ATP6V0A4: variants seen among roughly 807,000 people sequenced by gnomAD.
The protein encoded by ATP6V0A4 is V-type proton ATPase 116 kDa subunit a 4.
In ATP6V0A4, 86 loss-of-function variants were observed where a neutral mutation model predicts 107.3. The observed-to-expected ratio is 0.80, with a 90% CI of 0.67 to 0.96. The LOEUF (loss-of-function observed/expected upper bound fraction) is 0.96, where lower values mean the gene tolerates loss of function less well. Ranked by LOEUF, ATP6V0A4 falls within the 40% of genes least tolerant of loss-of-function variation. ATP6V0A4 has a pLI of 0.00. For synonymous variants in ATP6V0A4, 353 were observed against 381.4 expected (o/e 0.93, Z 0.87); for missense variants, 908 against 1,045.6 (o/e 0.87, Z 1.81).
chr7:138,789,244 GT>G (rs772638637), intron 1 of ATP6V0A4, among the ~76,000 whole-genome samples: 1 of 151,316 alleles, frequency 6.6e-6, no homozygotes, highest in Non-Finnish European at 1.5e-5. Context: ...TGTTGTTGTT[GT>G]TTTTGTCTTT....
At chr7:138,753,517 C>A (rs1182655810) in intron 10 of ATP6V0A4, among the ~76,000 whole-genome samples, 2 of 152,188 alleles carry the variant, frequency 1.3e-5, no homozygotes, top group African/African-American at 2.4e-5. Flanking sequence ...ACATCTACCA[C>A]AACCCTTTAC....
At chr7:138,784,519 C>T (rs556794466) in intron 2 of ATP6V0A4, among the ~76,000 whole-genome samples, 18 of 151,444 alleles carry the variant, frequency 1.2e-4, no homozygotes, top group East Asian at 9.7e-4. Context: ...GGTGTTTCAC[C>T]GTGTTAGCCA....
At chr7:138,734,908 A>G (rs1328007955) in intron 15 of ATP6V0A4, among the ~76,000 whole-genome samples, 2 of 152,110 alleles carry the variant, frequency 1.3e-5, no homozygotes, top group Admixed American at 1.3e-4. Context: ...CTTTTTAATA[A>G]CACCACCTCT....
Position 138,733,002 on chromosome 7 carries a change from T to C in ATP6V0A4, c.1783A>G (p.Ile595Val). The C allele has an allele frequency of 1.2e-6, 2 of 1,613,908 alleles. No homozygotes were observed. Among genetic ancestry groups the C allele is most frequent in the Admixed American group, 1.7e-5 (1 of 60,000 alleles). The change falls in exon 17 of 22, where the codon ATT becomes GTT. Residue 595 changes from isoleucine (I) to valine (V), a missense_variant. By Grantham distance (29) the Ile-to-Val change is conservative. Coordinates refer to ENST00000310018, the MANE Select transcript of ATP6V0A4 (RefSeq NM_020632.3). ...ACGTCAAAGCAGCACCATTTGAAAA[T>C]GATCATGAAAACCAGGTATCCAAAC... The part of the protein sequence containing the change: ...CLFGYLVFMI[I>V]FKWCCFDVHV...
At chr7:138,709,507 A>T (rs1803625456) in intron 21 of ATP6V0A4, 117 bp downstream of exon 21, 1 of 898,406 alleles carries the variant, frequency 1.1e-6, no homozygotes, top group Non-Finnish European at 1.9e-6. Flanking sequence ...GGCTCCAAAG[A>T]GGTATGTAAG....
At chr7:138,775,481 G>A (rs1355634379) in intron 2 of ATP6V0A4, among the ~76,000 whole-genome samples, 1 of 151,806 alleles carries the variant, frequency 6.6e-6, no homozygotes, top group Non-Finnish European at 1.5e-5. Flanking sequence ...TCTGTGATTT[G>A]CATTTTTTTT....
At chr7:138,732,853 A>AG in intron 17 of ATP6V0A4, 24 bp downstream of exon 17, 1 of 1,361,848 alleles carries the variant, frequency 7.3e-7, no homozygotes, top group Admixed American at 2.2e-5. Flanking sequence ...AAGAAGAGTA[A>AG]AAAAAAAAAA....
intron 15 of ATP6V0A4, among the ~76,000 whole-genome samples, chr7:138,734,985 C>T (rs1805239555): frequency 6.6e-6 from 1 of 152,104 alleles, no homozygotes; most frequent in African/African-American, 2.4e-5. Flanking sequence ...AGAAGCCGTT[C>T]CTGTAGCCAA....
At chr7:138,707,931 A>T (rs1361183756) in intron 21 of ATP6V0A4, among the ~76,000 whole-genome samples, 1 of 151,766 alleles carries the variant, frequency 6.6e-6, no homozygotes, top group Non-Finnish European at 1.5e-5. Context: ...AAAATGTGGG[A>T]CTCACATATT....
intron 2 of ATP6V0A4, among the ~76,000 whole-genome samples, chr7:138,784,225 T>TATATATATACGTATATATATATATATAC (rs1342785659): frequency 1.3e-5 from 1 of 76,992 alleles, no homozygotes; most frequent in Non-Finnish European, 2.3e-5. Context: ...TATATATATA[T>TATATATATACGTATATATATATATATAC]ATATATATAC....
At chr7:138,784,240 A>ATACG (rs1808056878) in intron 2 of ATP6V0A4, among the ~76,000 whole-genome samples, 1 of 34,882 alleles carries the variant, frequency 2.9e-5, no homozygotes, top group Non-Finnish European at 5.6e-5. Context: ...ATATACGTAT[A>ATACG]TATATATATA....
At position 138,790,103 on chromosome 7, in the gene ATP6V0A4, A is replaced by C. The variant is rs143730441; in HGVS notation, c.-120-3843T>G. Among the ~76,000 whole-genome samples the C allele has an allele frequency of 4.4e-3, 676 of 152,254 alleles. 7 individuals carry two copies. The highest frequency in any genetic ancestry group is 0.015 in the African/African-American group (637 of 41,536). On this transcript the variant is annotated intron_variant, in intron 1 of 21. Coordinates refer to ENST00000310018, the MANE Select transcript of ATP6V0A4 (RefSeq NM_020632.3). ...AAATTAAAACCACCCAAAACTGTAC[A>C]TCCTAGATATGACTACTACTAACAT...
chr7:138,790,309 T>C (rs1399800751), intron 1 of ATP6V0A4, among the ~76,000 whole-genome samples: 1 of 152,206 alleles, frequency 6.6e-6, no homozygotes, highest in Non-Finnish European at 1.5e-5. Flanking sequence ...CTGTTGTTTT[T>C]TTGAGATAGA....
intron 1 of ATP6V0A4, among the ~76,000 whole-genome samples, chr7:138,797,566 A>G (rs1401945150): frequency 6.6e-6 from 1 of 151,560 alleles, no homozygotes; most frequent in Non-Finnish European, 1.5e-5. Flanking sequence ...TGTGGCCTCC[A>G]CTGTTGAAAC....
chr7:138,789,226 T>TGTTG (rs368212954), intron 1 of ATP6V0A4, among the ~76,000 whole-genome samples: 2 of 149,342 alleles, frequency 1.3e-5, no homozygotes, highest in African/African-American at 5.0e-5. Context: ...TGGGGGGTTT[T>TGTTG]TTTTTGTTGT....
intron 19 of ATP6V0A4, 184 bp from the exon 20 acceptor site, chr7:138,716,065 G>T: frequency 2.6e-6 from 1 of 387,342 alleles, no homozygotes; most frequent in Non-Finnish European, 3.5e-6. Flanking sequence ...TGTTATGTGT[G>T]TCTTAACGTT....
chr7:138,730,858 C>A (rs1804966296), intron 17 of ATP6V0A4, among the ~76,000 whole-genome samples: 1 of 151,652 alleles, frequency 6.6e-6, no homozygotes, highest in African/African-American at 2.4e-5. Context: ...CAGTAATGCA[C>A]CTGTTTCTGA....
At chr7:138,748,383 T>C (rs1433451239) in intron 12 of ATP6V0A4, among the ~76,000 whole-genome samples, 5 of 151,932 alleles carry the variant, frequency 3.3e-5, no homozygotes, top group African/African-American at 9.7e-5. Flanking sequence ...ATAAAGGGTA[T>C]CTGGTCTATC....
chr7:138,745,087 G>A, intron 14 of ATP6V0A4, 36 bp downstream of exon 14: 1 of 1,567,078 alleles, frequency 6.4e-7, no homozygotes, highest in Non-Finnish European at 8.8e-7. Context: ...CCACCTGGAT[G>A]GCCAGCGACT....
Sources: allele counts gnomAD v4.1 joint callset (sites outside exome capture counted in the v4.1 genomes callset), GRCh38; gene constraint gnomAD v4.1.1; transcripts MANE v1.5; gene names NCBI Gene and HGNC (gene_info 2026-07-23, HGNC 2026-07-21).